Variants in RGS6 observed in about 807,000 individuals in gnomAD.
The protein encoded by RGS6 is regulator of G protein signaling 6.
RGS6 carries 30 observed loss-of-function variants against 78.5 expected under a neutral mutation model. That is an observed-to-expected ratio of 0.38 (90% CI 0.29 to 0.52). The LOEUF (loss-of-function observed/expected upper bound fraction) is 0.52, where lower values mean the gene tolerates loss of function less well. Ranked by LOEUF, RGS6 falls within the 20% of genes least tolerant of loss-of-function variation. The probability of loss-of-function intolerance (pLI) is 0.85; values close to 1 mark genes in which losing one functional copy is unlikely to be tolerated. For synonymous variants in RGS6, 206 were observed against 206.0 expected (o/e 1.00, Z 0.00); for missense variants, 495 against 609.7 (o/e 0.81, Z 1.98).
chr14:71,985,596 T>A (rs2094676249), intron 2 of RGS6, among the ~76,000 whole-genome samples: 1 of 152,218 alleles, frequency 6.6e-6, no homozygotes, highest in Non-Finnish European at 1.5e-5. Context: ...TTTTGGCATA[T>A]ATAGACTGGG....
At chr14:72,388,157 A>G (rs1324830498) in intron 3 of RGS6, among the ~76,000 whole-genome samples, 2 of 151,898 alleles carry the variant, frequency 1.3e-5, no homozygotes, top group Non-Finnish European at 2.9e-5. Context: ...GTCTTTACTA[A>G]TTTACTCACC....
intron 15 of RGS6, among the ~76,000 whole-genome samples, chr14:72,522,028 CT>C (rs1300209747): frequency 6.6e-6 from 1 of 152,150 alleles, no homozygotes; most frequent in Non-Finnish European, 1.5e-5. Context: ...TATTTTCTTC[CT>C]TGATTTATGT....
At chr14:72,329,509 G>T (rs767072770) in intron 2 of RGS6, among the ~76,000 whole-genome samples, 6 of 152,256 alleles carry the variant, frequency 3.9e-5, no homozygotes, top group African/African-American at 1.4e-4. Context: ...TCCCAGGTGG[G>T]CACTGTCCTG....
At chr14:72,454,717 AC>A in intron 4 of RGS6, 139 bp downstream of exon 4, 2 of 627,374 alleles carry the variant, frequency 3.2e-6, no homozygotes, top group Non-Finnish European at 2.8e-6. Context: ...CACTCTATTT[AC>A]AAATAAAATT....
At chr14:71,869,936 CT>C in the RGS6 span, among the ~76,000 whole-genome samples, 1 of 152,178 alleles carries the variant, frequency 6.6e-6, no homozygotes, top group African/African-American at 2.4e-5. Context: ...CAAGAAGTCG[CT>C]TGCTGGATGC....
chr14:72,622,256 C>G, the RGS6 span, among the ~76,000 whole-genome samples: 1 of 152,126 alleles, frequency 6.6e-6, no homozygotes, highest in African/African-American at 2.4e-5. Context: ...CAAGAGTTTA[C>G]TGAGAAGAAG....
intron 2 of RGS6, among the ~76,000 whole-genome samples, chr14:72,135,662 C>T (rs2096423277): frequency 6.6e-6 from 1 of 151,740 alleles, no homozygotes; most frequent in Non-Finnish European, 1.5e-5. Context: ...CTTCTCCTAA[C>T]ATTTTTGTGG....
At chr14:72,552,483 C>T (rs918917297) in intron 17 of RGS6, 2 of 152,186 alleles carry the variant, frequency 1.3e-5, no homozygotes, top group African/African-American at 4.8e-5. Context: ...GAAGGTGCCT[C>T]CTGCTACCAG....
intron 2 of RGS6, among the ~76,000 whole-genome samples, chr14:72,145,387 G>A (rs1010345457): frequency 1.1e-4 from 17 of 152,134 alleles, no homozygotes; most frequent in Admixed American, 3.3e-4. Context: ...TTCAGCCTAC[G>A]CCCAAGAATG....
chr14:72,313,870 C>G (rs1236940494), intron 2 of RGS6, among the ~76,000 whole-genome samples: 1 of 152,200 alleles, frequency 6.6e-6, no homozygotes, highest in African/African-American at 2.4e-5. Flanking sequence ...TGCCATGTAT[C>G]TAAGCACAAT....
At chr14:72,553,862 CA>C (rs553795896) in intron 17 of RGS6, among the ~76,000 whole-genome samples, 2 of 152,206 alleles carry the variant, frequency 1.3e-5, no homozygotes, top group Non-Finnish European at 2.9e-5. Flanking sequence ...ACTACACCAT[CA>C]GGGGAGAAAA....
chr14:72,382,779 A>T (rs1429994467), intron 3 of RGS6, among the ~76,000 whole-genome samples: 1 of 152,186 alleles, frequency 6.6e-6, no homozygotes, highest in East Asian at 1.9e-4. Flanking sequence ...TTTAACAAGG[A>T]TACAATTCAA....
At chr14:71,925,925 A>G in the RGS6 span, among the ~76,000 whole-genome samples, 1 of 152,138 alleles carries the variant, frequency 6.6e-6, no homozygotes, top group East Asian at 1.9e-4. Context: ...AGCATCAAAA[A>G]GAATAAAATG....
intron 3 of RGS6, among the ~76,000 whole-genome samples, chr14:72,408,235 A>G (rs1002808102): frequency 6.6e-6 from 1 of 152,222 alleles, no homozygotes; most frequent in African/African-American, 2.4e-5. Flanking sequence ...GAGTCTGTTT[A>G]TACTAAGATC....
the RGS6 span, among the ~76,000 whole-genome samples, chr14:72,578,971 G>A: frequency 6.6e-6 from 1 of 152,180 alleles, no homozygotes; most frequent in South Asian, 2.1e-4. Context: ...GACCCAAGAT[G>A]AGATCAAGTC....
chr14:72,043,446 G>A (rs932687923), intron 2 of RGS6, among the ~76,000 whole-genome samples: 1 of 150,970 alleles, frequency 6.6e-6, no homozygotes, highest in Non-Finnish European at 1.5e-5. Context: ...AATTCCCTCA[G>A]TTTTTGTTTG....
intron 2 of RGS6, among the ~76,000 whole-genome samples, chr14:72,273,869 T>G (rs2060294194): frequency 6.6e-6 from 1 of 152,174 alleles, no homozygotes; most frequent in African/African-American, 2.4e-5. Flanking sequence ...TTGACCCCGG[T>G]ATGTGCAGAT....
chr14:72,453,488 C>T (rs1010674113), intron 3 of RGS6, among the ~76,000 whole-genome samples: 8 of 146,964 alleles, frequency 5.4e-5, no homozygotes, highest in East Asian at 2.0e-4. Flanking sequence ...TAGTGGCAGG[C>T]GCCTGTAGTC....
At chr14:72,548,942 A>G (rs1464220279) in intron 17 of RGS6, among the ~76,000 whole-genome samples, 2 of 152,264 alleles carry the variant, frequency 1.3e-5, no homozygotes, top group African/African-American at 4.8e-5. Context: ...AGGATAGTGC[A>G]GAGTAGGTTT....
Sources: gnomAD v4.1 joint callset for allele counts (sites outside exome capture counted in the v4.1 genomes callset) on GRCh38, gnomAD v4.1.1 for gene constraint, MANE v1.5 for transcripts, NCBI Gene and HGNC (gene_info 2026-07-23, HGNC 2026-07-21) for gene names.